The following BMPR1A variants were observed in gnomAD, a reference collection of about 807,000 sequenced individuals.
BMPR1A encodes the protein bone morphogenetic protein receptor type 1A.
In BMPR1A, 7 loss-of-function variants were observed where a neutral mutation model predicts 66.0. The ratio of observed to expected loss-of-function variants is 0.11; its 90% CI spans 0.06 to 0.20. The LOEUF (loss-of-function observed/expected upper bound fraction) is 0.20. Among genes scored for constraint, BMPR1A ranks in the 10% least tolerant of loss-of-function variants. The probability of loss-of-function intolerance (pLI) is 1.00; values close to 1 mark genes in which losing one functional copy is unlikely to be tolerated. For synonymous variants in BMPR1A, 200 were observed against 229.7 expected, an observed-to-expected ratio of 0.87 and a Z score of 1.17; for missense variants, 408 against 669.1, an observed-to-expected ratio of 0.61 and a Z score of 4.31.
At chr10:86,920,921 T>C (rs1481574957) in intron 10 of BMPR1A, among the ~76,000 whole-genome samples, 1 of 148,610 alleles carries the variant, frequency 6.7e-6, no homozygotes, top group African/African-American at 2.5e-5. Context: ...AGTGGCATGG[T>C]CTCGGCTCAC....
At chr10:86,826,484 G>C (rs919553472) in intron 1 of BMPR1A, among the ~76,000 whole-genome samples, 1 of 149,494 alleles carries the variant, frequency 6.7e-6, no homozygotes, top group Admixed American at 6.7e-5. Flanking sequence ...TTTACTTTAG[G>C]ATAAGCCACT....
intron 2 of BMPR1A, among the ~76,000 whole-genome samples, chr10:86,866,956 G>T (rs145259034): frequency 1.2e-4 from 18 of 152,118 alleles, no homozygotes; most frequent in Non-Finnish European, 2.2e-4. Flanking sequence ...GATAATGCAC[G>T]TAAAACTAAT....
At chr10:86,815,855 T>C (rs1842030060) in intron 1 of BMPR1A, among the ~76,000 whole-genome samples, 1 of 152,182 alleles carries the variant, frequency 6.6e-6, no homozygotes. Flanking sequence ...AGGTGACTGA[T>C]GCTGGCCAGT....
At chr10:86,808,846 C>T (rs903624796) in intron 1 of BMPR1A, among the ~76,000 whole-genome samples, 5 of 152,192 alleles carry the variant, frequency 3.3e-5, no homozygotes, top group Non-Finnish European at 5.9e-5. Flanking sequence ...TCACCTGCTA[C>T]CCAAATCAGG....
At chr10:86,876,245 T>A (rs1449029735) in intron 3 of BMPR1A, among the ~76,000 whole-genome samples, 160 bp downstream of exon 3, 2 of 152,252 alleles carry the variant, frequency 1.3e-5, no homozygotes, top group Non-Finnish European at 2.9e-5. Context: ...AATAATTTTT[T>A]AACTTGGCTG....
chr10:86,874,140 A>T (rs1271837032), intron 2 of BMPR1A, among the ~76,000 whole-genome samples: 1 of 152,210 alleles, frequency 6.6e-6, no homozygotes, highest in East Asian at 1.9e-4. Flanking sequence ...ATCAAACCAC[A>T]TGAAACAATG....
At chr10:86,853,797 A>C (rs189605644) in intron 2 of BMPR1A, among the ~76,000 whole-genome samples, 1 of 152,302 alleles carries the variant, frequency 6.6e-6, no homozygotes, top group East Asian at 1.9e-4. Context: ...CACGTGCTTC[A>C]CAAGGTAATA....
intron 1 of BMPR1A, among the ~76,000 whole-genome samples, chr10:86,802,823 T>G (rs1297308036): frequency 7.5e-5 from 11 of 147,446 alleles, no homozygotes; most frequent in Non-Finnish European, 1.6e-4. Flanking sequence ...AAAAAAGGAG[T>G]TAATTGGGAG....
intron 1 of BMPR1A, among the ~76,000 whole-genome samples, chr10:86,757,527 T>G (rs904652575): frequency 1.3e-5 from 2 of 151,874 alleles, no homozygotes; most frequent in African/African-American, 4.8e-5. Flanking sequence ...AGACTCCTAG[T>G]GGAAAGATTT....
chr10:86,825,780 C>T (rs1042833314), intron 1 of BMPR1A, among the ~76,000 whole-genome samples: 9 of 152,260 alleles, frequency 5.9e-5, no homozygotes, highest in Middle Eastern at 3.4e-3. Flanking sequence ...CCTGGCCTTT[C>T]ATTCAACTTG....
chr10:86,880,004 T>G (rs111965031), intron 3 of BMPR1A, among the ~76,000 whole-genome samples: 6 of 152,350 alleles, frequency 3.9e-5, no homozygotes, highest in African/African-American at 9.6e-5. Flanking sequence ...CATGGTCACA[T>G]CTGAGCTGGA....
chr10:86,805,926 C>T lies in BMPR1A; in HGVS notation c.-267-32939C>T, dbSNP rs188446353. 6.7e-5 allele frequency among the ~76,000 whole-genome samples: 10 copies of T among 148,952 alleles called. No homozygotes were observed. The East Asian group carries it at 1.4e-3, about 20-fold the overall frequency. Reference sequence around the variant, plus strand: ...TTTTTTTTTTTTTAAAGCATTTTTCCCTTCCAGTGGAGGATTCAATCTGGA... The same window carrying T: ...TTTTTTTTTTTTTAAAGCATTTTTCTCTTCCAGTGGAGGATTCAATCTGGA... On this transcript the variant is annotated intron_variant, in intron 1 of 12. Coordinates refer to ENST00000372037, the MANE Select transcript of BMPR1A (RefSeq NM_004329.3).
intron 8 of BMPR1A, 119 bp from the exon 9 acceptor site, chr10:86,917,015 A>G: frequency 8.9e-7 from 1 of 1,125,102 alleles, no homozygotes; most frequent in Non-Finnish European, 1.3e-6. Flanking sequence ...GTACATTATA[A>G]GTTTTTAACT....
intron 1 of BMPR1A, among the ~76,000 whole-genome samples, chr10:86,794,829 G>T (rs1040531888): frequency 1.3e-5 from 2 of 150,610 alleles, no homozygotes; most frequent in Non-Finnish European, 3.0e-5. Context: ...TATATCTATA[G>T]ATATAGATAT....
intron 1 of BMPR1A, among the ~76,000 whole-genome samples, chr10:86,768,467 A>T (rs559248122): frequency 7.2e-5 from 11 of 152,184 alleles, no homozygotes; most frequent in African/African-American, 9.6e-5. Flanking sequence ...CTTTGTTCTT[A>T]AAATTATGCA....
At chr10:86,902,529 G>T (rs576670554) in intron 7 of BMPR1A, among the ~76,000 whole-genome samples, 1 of 152,236 alleles carries the variant, frequency 6.6e-6, no homozygotes, top group South Asian at 2.1e-4. Context: ...AAGGAAATCT[G>T]TTCAGCCCAA....
At chr10:86,786,100 A>G (rs1300171957) in intron 1 of BMPR1A, among the ~76,000 whole-genome samples, 3 of 152,172 alleles carry the variant, frequency 2.0e-5, no homozygotes, top group African/African-American at 4.8e-5. Context: ...TCTGTGCTTC[A>G]TGTATTCTCA....
intron 1 of BMPR1A, among the ~76,000 whole-genome samples, chr10:86,759,770 A>G (rs1196231967): frequency 6.6e-6 from 1 of 152,150 alleles, no homozygotes; most frequent in Non-Finnish European, 1.5e-5. Flanking sequence ...AAAGTTTGGA[A>G]GACCTCCCCT....
chr10:86,766,798 C>T (rs1437322218), intron 1 of BMPR1A, among the ~76,000 whole-genome samples: 3 of 150,518 alleles, frequency 2.0e-5, no homozygotes, highest in African/African-American at 2.4e-5. Flanking sequence ...TTAGTGGAGA[C>T]GGGGTTTCAC....
Sources: gnomAD v4.1 joint callset for allele counts (sites outside exome capture counted in the v4.1 genomes callset) on GRCh38, gnomAD v4.1.1 for gene constraint, MANE v1.5 for transcripts, NCBI Gene and HGNC (gene_info 2026-07-23, HGNC 2026-07-21) for gene names.